Variants in QKI observed in about 807,000 individuals in gnomAD.
QKI encodes the protein QKI, KH domain containing RNA binding, also known as KH domain-containing RNA-binding protein QKI.
A neutral mutation model predicts 39.0 loss-of-function variants in QKI; 10 were observed. That is an observed-to-expected ratio of 0.26 (90% CI 0.16 to 0.43). QKI has a LOEUF of 0.43. QKI is among the 20% of genes least tolerant of loss of function. The pLI, the probability that QKI is intolerant of heterozygous loss-of-function variation, is 1.00. For missense variants in QKI, 218 were observed against 428.0 expected, an observed-to-expected ratio of 0.51 and a Z score of 4.33; for synonymous variants, 204 against 155.4, an observed-to-expected ratio of 1.31 and a Z score of -2.33.
chr6:163,432,568 A>C (rs1398779756), intron 1 of QKI, among the ~76,000 whole-genome samples: 3 of 152,016 alleles, frequency 2.0e-5, no homozygotes, highest in Admixed American at 2.0e-4. Flanking sequence ...AATTAAAAAA[A>C]ATTTTTTTTT....
chr6:163,513,226 G>A (rs1178603041), intron 3 of QKI, among the ~76,000 whole-genome samples: 3 of 152,140 alleles, frequency 2.0e-5, no homozygotes, highest in African/African-American at 4.8e-5. Flanking sequence ...GTAGATAAGA[G>A]GAGGACGACT....
At chr6:163,432,220 T>C (rs74610047) in intron 1 of QKI, among the ~76,000 whole-genome samples, 5,861 of 152,244 alleles carry the variant, frequency 0.038, 387 homozygotes, top group African/African-American at 0.13. Flanking sequence ...AAGCATCTAA[T>C]GCACAGTCAT....
chr6:163,415,122 G>GC lies in QKI; in HGVS notation c.-67dup, dbSNP rs1267685449. 4.4e-6 allele frequency: 5 copies of GC among 1,131,028 alleles called. No individual in the cohort carries two copies. In the African/African-American group the frequency reaches 6.9e-5, roughly 15 times the overall value. 70.1% of individuals were successfully genotyped at this position (1,131,028 alleles called of 1,614,324 possible). A position where few individuals can be genotyped will look rare whatever the true frequency, so the allele number is the denominator to read the frequency against. On this transcript the variant is annotated 5_prime_UTR_variant, in exon 1 of 8. Coordinates refer to ENST00000361752, the MANE Select transcript of QKI (RefSeq NM_006775.3). ...CCCGAGCGGCCCGCGGCCGGGGCTC[G>GC]CCCCCGCCCCTCCCTCCTCTCCGGC...
chr6:163,431,123 T>A (rs1181359506), intron 1 of QKI, among the ~76,000 whole-genome samples: 1 of 152,136 alleles, frequency 6.6e-6, no homozygotes, highest in African/African-American at 2.4e-5. Flanking sequence ...ACAATAATTG[T>A]TTGGGAATCT....
At chr6:163,506,707 T>C (rs530001813) in intron 3 of QKI, among the ~76,000 whole-genome samples, 60 of 152,350 alleles carry the variant, frequency 3.9e-4, no homozygotes, top group African/African-American at 1.3e-3. Context: ...ACCACTATAA[T>C]GTGCATAGTG....
intron 1 of QKI, among the ~76,000 whole-genome samples, chr6:163,433,382 TCA>T (rs767625042): frequency 1.1e-4 from 16 of 152,336 alleles, no homozygotes; most frequent in Non-Finnish European, 1.8e-4. Context: ...TTTTGTGATT[TCA>T]GAGTCTCTTT....
rs1787323739 is a variant in QKI, at chr6:163,415,129, CCCCT to C, written c.-58_-55del. The C allele has an allele frequency of 8.0e-7, 1 of 1,252,638 alleles. No homozygotes were observed. Among genetic ancestry groups the C allele is most frequent in the Admixed American group, 2.9e-5 (1 of 34,252 alleles). The allele number at this position is 1,252,638 out of a possible 1,614,324, so 77.6% of individuals were successfully genotyped here. On this transcript the variant is annotated 5_prime_UTR_variant, in exon 1 of 8. Transcript: ENST00000361752. ...GGCCCGCGGCCGGGGCTCGCCCCCG[CCCCT>C]CCCTCCTCTCCGGCGGCGGCGGCGG...
chr6:163,498,813 T>C (rs1778569571), intron 3 of QKI, among the ~76,000 whole-genome samples: 1 of 152,194 alleles, frequency 6.6e-6, no homozygotes, highest in Admixed American at 6.5e-5. Flanking sequence ...TTCCATTGCC[T>C]TTGATATCAT....
intron 3 of QKI, among the ~76,000 whole-genome samples, chr6:163,500,756 G>A (rs957799313): frequency 1.3e-5 from 2 of 152,300 alleles, no homozygotes; most frequent in East Asian, 3.9e-4. Flanking sequence ...TTATGAATTA[G>A]TTGGAGTCGA....
In QKI at chr6:163,571,345, A is replaced by C. The variant is rs1783688801; in HGVS notation, c.*635A>C. On this transcript the variant is annotated 3_prime_UTR_variant, in exon 8 of 8. Coordinates refer to ENST00000361752, the MANE Select transcript of QKI (RefSeq NM_006775.3). ...AAGTGTGCCATGAGAGAAAAACTTA[A>C]GGAGTTTTGAAAAGTAATGCAAATA... 6.6e-6 allele frequency: 1 copy of C among 152,206 alleles called. No homozygotes were observed. The highest frequency in any genetic ancestry group is 1.5e-5 in the Non-Finnish European group (1 of 68,034). The allele number at this position is 152,206 out of a possible 1,614,324, so 9.4% of individuals were successfully genotyped here. A position where few individuals can be genotyped will look rare whatever the true frequency, so the allele number is the denominator to read the frequency against.
intron 1 of QKI, among the ~76,000 whole-genome samples, chr6:163,435,014 C>G (rs1789139985): frequency 6.6e-6 from 1 of 151,888 alleles, no homozygotes; most frequent in Non-Finnish European, 1.5e-5. Context: ...CTTAATTATC[C>G]AACACTTAAA....
chr6:163,566,090 T>C (rs1455677310), intron 6 of QKI: 1 of 1,526,614 alleles, frequency 6.6e-7, no homozygotes, highest in Non-Finnish European at 8.8e-7. Flanking sequence ...CTTGCACTTT[T>C]TGCACATAGA....
chr6:163,563,896 T>C (rs912892605), intron 6 of QKI, 177 bp downstream of exon 6: 21 of 1,418,444 alleles, frequency 1.5e-5, no homozygotes, highest in Admixed American at 9.3e-5. Flanking sequence ...TTGAAATAAT[T>C]GCACCTTAAA....
intron 3 of QKI, among the ~76,000 whole-genome samples, chr6:163,495,651 G>A (rs2128229949): frequency 6.6e-6 from 1 of 152,228 alleles, no homozygotes; most frequent in Non-Finnish European, 1.5e-5. Context: ...TTCTGATTCA[G>A]AATCTAGTCC....
rs1375016973 is a variant in QKI at position 163,576,835 on chromosome 6, C to G, written c.*6125C>G. The G allele has an allele frequency of 6.6e-6, 1 of 152,188 alleles. No individual in the cohort carries two copies. The highest frequency in any genetic ancestry group is 1.5e-5 in the Non-Finnish European group (1 of 68,042). 9.4% of individuals were successfully genotyped at this position (152,188 alleles called of 1,614,324 possible). ...AAAGAAAATGTAAGAATTTGACATTCTGGAGTTATTATAACATTAGAAAAT... is the reference window on the plus strand; with the variant it reads ...AAAGAAAATGTAAGAATTTGACATTGTGGAGTTATTATAACATTAGAAAAT... On this transcript the variant is annotated 3_prime_UTR_variant, in exon 8 of 8. Transcript: ENST00000361752.
rs148152681 is a variant in QKI at position 163,416,720 on chromosome 6, C to G, written c.142+1385C>G. Among the ~76,000 whole-genome samples, 19 of 152,134 alleles carry G rather than the reference C, an allele frequency of 1.2e-4. 1 individual carries two copies. Among genetic ancestry groups the G allele is most frequent in the African/African-American group, 4.1e-4 (17 of 41,418 alleles). ...AAATGGTTAGGTGTTACGGCTTTCT[C>G]GTCGTTTTGCTTCCGTATGTTAAAC... On this transcript the variant is annotated intron_variant, in intron 1 of 7. Coordinates refer to ENST00000361752, the MANE Select transcript of QKI (RefSeq NM_006775.3).
intron 2 of QKI, among the ~76,000 whole-genome samples, chr6:163,468,559 GA>G (rs1791948602): frequency 6.6e-6 from 1 of 152,158 alleles, no homozygotes; most frequent in Non-Finnish European, 1.5e-5. Context: ...AATGAAGTGT[GA>G]GCAGCAATGA....
At chr6:163,498,188 TAAA>T (rs10650302) in intron 3 of QKI, among the ~76,000 whole-genome samples, 4 of 125,548 alleles carry the variant, frequency 3.2e-5, no homozygotes, top group Admixed American at 8.4e-5. Flanking sequence ...GCAGCTGTGG[TAAA>T]AAAAAAAAAA....
intron 1 of QKI, among the ~76,000 whole-genome samples, chr6:163,444,852 TC>T (rs948076450): frequency 5.9e-5 from 9 of 151,950 alleles, no homozygotes; most frequent in Admixed American, 4.6e-4. Flanking sequence ...TCACATTATT[TC>T]CCCCCTTCCC....
Sources: gnomAD v4.1 joint callset for allele counts (sites outside exome capture counted in the v4.1 genomes callset) on GRCh38, gnomAD v4.1.1 for gene constraint, MANE v1.5 for transcripts, NCBI Gene and HGNC (gene_info 2026-07-23, HGNC 2026-07-21) for gene names.